The following ALPK2 variants were observed in gnomAD, a reference collection of about 807,000 sequenced individuals.
ALPK2 encodes the protein alpha-protein kinase 2.
In ALPK2, 127 loss-of-function variants were observed where a neutral mutation model predicts 163.1. The ratio of observed to expected loss-of-function variants is 0.78; its 90% CI spans 0.67 to 0.90. ALPK2 has a LOEUF of 0.90. Among genes scored for constraint, ALPK2 ranks in the 40% least tolerant of loss-of-function variants. The probability of loss-of-function intolerance (pLI) is 0.00; values close to 1 mark genes in which losing one functional copy is unlikely to be tolerated. For missense variants in ALPK2, 2,360 were observed against 2,589.6 expected, an observed-to-expected ratio of 0.91 and a Z score of 1.92; for synonymous variants, 953 against 959.1, an observed-to-expected ratio of 0.99 and a Z score of 0.12.
At chr18:58,568,817 A>C (rs889307163) in intron 4 of ALPK2, among the ~76,000 whole-genome samples, 8 of 152,206 alleles carry the variant, frequency 5.3e-5, no homozygotes, top group Non-Finnish European at 1.5e-5. Context: ...GTTATTTGCA[A>C]ATACTATGCC....
rs539459249 is a variant in ALPK2, at chr18:58,611,786, G to A, written c.12C>T (p.Ser4=). ...ACAGCGGGGGCCTCTGGGGCCCTTCGGAGTCTTTCATCCTTTCATGCCGCA... is the reference window on the plus strand; with the variant it reads ...ACAGCGGGGGCCTCTGGGGCCCTTCAGAGTCTTTCATCCTTTCATGCCGCA... MKD[S]EGPQRPPLCF... Residue 4 remains serine, a synonymous_variant, in exon 2 of 13, where the codon TCC becomes TCT. Coordinates refer to ENST00000361673, the MANE Select transcript of ALPK2 (RefSeq NM_052947.4). 3.8e-5 allele frequency: 60 copies of A among 1,593,118 alleles called. No individual in the cohort carries two copies. Among genetic ancestry groups the A allele is most frequent in the South Asian group, 5.7e-5 (5 of 87,788 alleles).
intron 1 of ALPK2, among the ~76,000 whole-genome samples, chr18:58,626,320 C>A (rs1210202399): frequency 1.3e-5 from 2 of 152,088 alleles, no homozygotes; most frequent in African/African-American, 4.8e-5. Context: ...TATCACTGAC[C>A]CCGCGCAATT....
chr18:58,495,789 G>A (rs73443195), intron 12 of ALPK2, among the ~76,000 whole-genome samples: 26 of 152,314 alleles, frequency 1.7e-4, no homozygotes, highest in African/African-American at 5.8e-4. Context: ...TCAGGGGCTA[G>A]GTGTAGATTA....
intron 2 of ALPK2, among the ~76,000 whole-genome samples, chr18:58,611,167 A>T (rs745828931): frequency 6.3e-4 from 95 of 151,802 alleles, no homozygotes; most frequent in Non-Finnish European, 7.8e-4. Flanking sequence ...ATTCCCAGCT[A>T]CTCGGGAGGC....
At chr18:58,495,211 G>GT (rs2051395472) in intron 12 of ALPK2, among the ~76,000 whole-genome samples, 1 of 152,194 alleles carries the variant, frequency 6.6e-6, no homozygotes, top group Non-Finnish European at 1.5e-5. Flanking sequence ...AACTGTGATT[G>GT]TAAGATATAT....
intron 4 of ALPK2, among the ~76,000 whole-genome samples, chr18:58,539,270 A>G (rs2051677181): frequency 6.6e-6 from 1 of 152,142 alleles, no homozygotes; most frequent in Non-Finnish European, 1.5e-5. Flanking sequence ...ATAGATGCCC[A>G]GTGGCAGGCA....
intron 4 of ALPK2, among the ~76,000 whole-genome samples, chr18:58,573,306 A>ATATG (rs765174412): frequency 2.7e-4 from 24 of 90,526 alleles, no homozygotes; most frequent in East Asian, 1.4e-3. Flanking sequence ...ATATGTGTGT[A>ATATG]TATATATGTG....
intron 3 of ALPK2, among the ~76,000 whole-genome samples, chr18:58,582,249 T>G (rs2051962437): frequency 6.6e-6 from 1 of 152,174 alleles, no homozygotes; most frequent in Non-Finnish European, 1.5e-5. Flanking sequence ...AAAGAAGAAA[T>G]GTTATACCAG....
chr18:58,566,450 A>G (rs1431750309), intron 4 of ALPK2: 5 of 152,180 alleles, frequency 3.3e-5, no homozygotes, highest in African/African-American at 9.7e-5. Flanking sequence ...TGCTTTTTCC[A>G]TCTCCTTTCA....
At chr18:58,489,693 G>C (rs12956786) in intron 12 of ALPK2, among the ~76,000 whole-genome samples, 1 of 151,844 alleles carries the variant, frequency 6.6e-6, no homozygotes, top group Non-Finnish European at 1.5e-5. Flanking sequence ...TCTCAAAACA[G>C]TCATAATAAT....
Position 58,579,852 on chromosome 18 carries a change from A to C in ALPK2, c.924T>G (p.Tyr308Ter), listed in dbSNP as rs781603357. ...TTAGGGTTATCTCTGGGCAAAGTTCATAGTCACTGTCAGAGTCTTCACTGG... is the reference window on the plus strand; with the variant it reads ...TTAGGGTTATCTCTGGGCAAAGTTCCTAGTCACTGTCAGAGTCTTCACTGG... ...QLSSEDSDSD[Y>*]ELCPEITLTY... The change falls in exon 4 of 13, where the codon TAT (tyrosine) becomes TAG (stop). Residue 308 changes from tyrosine to a stop codon, truncating the protein, a stop_gained. Transcript: ENST00000361673. LOFTEE classifies it high-confidence loss of function. 6.2e-7 allele frequency: 1 copy of C among 1,614,102 alleles called. No individual in the cohort carries two copies. The highest frequency in any genetic ancestry group is 1.3e-5 in the African/African-American group (1 of 74,942).
intron 4 of ALPK2, 81 bp downstream of exon 4, chr18:58,578,733 G>GACACACACGCGCGCGCGCGCGCAC (rs908380706): frequency 1.9e-5 from 10 of 533,380 alleles, no homozygotes; most frequent in African/African-American, 1.6e-4. Context: ...TAAAGGAAGA[G>GACACACACGCGCGCGCGCGCGCAC]ACACACACAC....
intron 3 of ALPK2, among the ~76,000 whole-genome samples, chr18:58,591,342 A>G (rs956705269): frequency 1.3e-5 from 2 of 152,236 alleles, no homozygotes; most frequent in Admixed American, 6.5e-5. Context: ...AAATGGTAGG[A>G]AATGTCTACC....
rs773550825 is a variant in ALPK2 at position 58,580,174 on chromosome 18, T to C, written c.602A>G (p.Glu201Gly). The change falls in exon 4 of 13, where the codon GAG becomes GGG. Residue 201 changes from glutamate (E) to glycine (G), a missense_variant. Physicochemically the swap from Glu to Gly is moderately conservative, Grantham distance 98. Coordinates refer to ENST00000361673, the MANE Select transcript of ALPK2 (RefSeq NM_052947.4). ...TTCTGTGTTACTTGGATCATAAGCCTCTCCAGTGTGCCTTGTTCCTTTAAC... is the reference window on the plus strand; with the variant it reads ...TTCTGTGTTACTTGGATCATAAGCCCCTCCAGTGTGCCTTGTTCCTTTAAC... The part of the protein sequence containing the change: ...LGVKGTRHTG[E>G]AYDPSNTEEI... The C allele has an allele frequency of 2.5e-6, 4 of 1,614,206 alleles. No homozygotes were observed. The highest frequency in any genetic ancestry group is 3.4e-6 in the Non-Finnish European group (4 of 1,180,044).
chr18:58,588,226 A>G lies in ALPK2; in HGVS notation c.228-7678T>C, dbSNP rs144423978. ...TACTGATGCATCAAGGGCATTATTAAGTAAAACTTTTTGTTTGTTGTTTTT... is the reference window on the plus strand; with the variant it reads ...TACTGATGCATCAAGGGCATTATTAGGTAAAACTTTTTGTTTGTTGTTTTT... On this transcript the variant is annotated intron_variant, in intron 3 of 12. Coordinates refer to ENST00000361673, the MANE Select transcript of ALPK2 (RefSeq NM_052947.4). 4.0e-3 allele frequency among the ~76,000 whole-genome samples: 602 copies of G among 152,318 alleles called. 2 individuals are homozygous for G. Among genetic ancestry groups the G allele is most frequent in the African/African-American group, 0.013 (558 of 41,554 alleles).
Position 58,481,814 on chromosome 18 carries a change from C to G in ALPK2, c.*9G>C. On this transcript the variant is annotated 3_prime_UTR_variant, in exon 13 of 13. Transcript: ENST00000361673. ...TGCTAGCCAGTGGCCATTAGGTTAC[C>G]CAGGGACGTTAGGTTTTCTTTTCGC... 1 of 1,611,120 alleles carries G rather than the reference C, an allele frequency of 6.2e-7. No individual in the cohort carries two copies. The highest frequency in any genetic ancestry group is 1.1e-5 in the South Asian group (1 of 90,982).
chr18:58,545,568 A>C (rs1464703692), intron 4 of ALPK2, among the ~76,000 whole-genome samples: 2 of 152,202 alleles, frequency 1.3e-5, no homozygotes, highest in African/African-American at 4.8e-5. Flanking sequence ...TTGTCAAAGG[A>C]GAGAGGCCAC....
chr18:58,623,696 C>A (rs1292868004), intron 1 of ALPK2, among the ~76,000 whole-genome samples: 1 of 152,206 alleles, frequency 6.6e-6, no homozygotes, highest in African/African-American at 2.4e-5. Context: ...AAACTCCTGA[C>A]CTCAAGTGAT....
chr18:58,539,801 A>G (rs574574100), intron 4 of ALPK2, among the ~76,000 whole-genome samples: 16 of 152,328 alleles, frequency 1.1e-4, no homozygotes, highest in African/African-American at 3.8e-4. Context: ...CTTGTGGTCA[A>G]TCCCTGTATG....
Sources: allele counts gnomAD v4.1 joint callset (sites outside exome capture counted in the v4.1 genomes callset), GRCh38; gene constraint gnomAD v4.1.1; transcripts MANE v1.5; gene names NCBI Gene and HGNC (gene_info 2026-07-23, HGNC 2026-07-21).